The following SLC48A1 variants were observed in gnomAD, a reference collection of about 807,000 sequenced individuals.
SLC48A1 encodes heme transporter HRG1.
SLC48A1 carries 6 observed loss-of-function variants against 14.8 expected under a neutral mutation model. That is an observed-to-expected ratio of 0.41 (90% CI 0.22 to 0.80). SLC48A1 has a LOEUF of 0.80. Among genes scored for constraint, SLC48A1 ranks in the 30% least tolerant of loss-of-function variants. The pLI is 0.34. For missense variants in SLC48A1, 165 were observed against 204.8 expected (o/e 0.81, Z 1.19); for synonymous variants, 89 against 90.0 (o/e 0.99, Z 0.06).
intron 2 of SLC48A1, among the ~76,000 whole-genome samples, chr12:47,764,080 T>C (rs1942454963): frequency 1.3e-5 from 2 of 152,162 alleles, no homozygotes; most frequent in Admixed American, 1.3e-4. Context: ...AGTTTACTGT[T>C]ACAGGAATGT....
chr12:47,765,174 G>A (rs1017642215), intron 2 of SLC48A1, among the ~76,000 whole-genome samples: 2 of 149,786 alleles, frequency 1.3e-5, no homozygotes, highest in Non-Finnish European at 3.0e-5. Context: ...GGGATCCAGA[G>A]AGAGAAACAG....
At chr12:47,755,111 A>G (rs1941975782), upstream of SLC48A1, among the ~76,000 whole-genome samples, 1 of 152,184 alleles carries the variant, frequency 6.6e-6, no homozygotes, top group African/African-American at 2.4e-5. Flanking sequence ...TACTGTTCGT[A>G]GCAAGAGAGA....
At chr12:47,758,109 T>C (rs1481748644), upstream of SLC48A1, 3 of 1,544,750 alleles carry the variant, frequency 1.9e-6, no homozygotes, top group South Asian at 3.6e-5. Context: ...TGGACAGCCA[T>C]GGGACACGAC....
Position 47,773,338 on chromosome 12 carries a change from G to A in SLC48A1, c.34G>A (p.Ala12Thr). 1 of 1,472,892 alleles carries A rather than the reference G, an allele frequency of 6.8e-7. No individual in the cohort carries two copies. Among genetic ancestry groups the A allele is most frequent in the Admixed American group, 2.5e-5 (1 of 40,644 alleles). 91.2% of individuals were successfully genotyped at this position (1,472,892 alleles called of 1,614,324 possible). ...APSRLQLGLR[A>T]AYSGISSVAG... ...GTCCAGGCTGCAGCTCGGCCTCCGC[G>A]CCGCCTACTCCGGCATCAGCTCCGT... Residue 12 changes from alanine (A) to threonine (T), a missense_variant, in exon 1 of 3, where the codon GCC (alanine) becomes ACC (threonine). Coordinates refer to ENST00000442218, the MANE Select transcript of SLC48A1 (RefSeq NM_017842.3).
intron 1 of SLC48A1, among the ~76,000 whole-genome samples, chr12:47,775,184 G>C (rs914173105): frequency 2.0e-5 from 3 of 152,170 alleles, no homozygotes; most frequent in African/African-American, 7.2e-5. Flanking sequence ...TTGCAGTGCT[G>C]CCCACTCCCT....
chr12:47,758,230 C>A, upstream of SLC48A1: 1 of 1,435,256 alleles, frequency 7.0e-7, no homozygotes, highest in Non-Finnish European at 9.1e-7. Context: ...GGGGGAGGAA[C>A]AGGAAGACCT....
chr12:47,772,634 G>T (rs1942650168), upstream of SLC48A1, among the ~76,000 whole-genome samples: 3 of 151,976 alleles, frequency 2.0e-5, no homozygotes, highest in South Asian at 6.2e-4. Context: ...CTATGATGGC[G>T]CCACTGTACT....
chr12:47,760,097 A>G (rs1942331709), intron 1 of SLC48A1: 1 of 453,810 alleles, frequency 2.2e-6, no homozygotes, highest in Non-Finnish European at 2.9e-6. Context: ...TTTTTAATGT[A>G]TACATGTATA....
chr12:47,778,745 A>T, intron 1 of SLC48A1: 1 of 386,488 alleles, frequency 2.6e-6, no homozygotes, highest in Non-Finnish European at 4.6e-6. Context: ...TTAACATAAC[A>T]TTTTTGTGAG....
intron 1 of SLC48A1, among the ~76,000 whole-genome samples, chr12:47,759,411 C>G (rs1459162106): frequency 1.6e-5 from 2 of 129,016 alleles, no homozygotes; most frequent in Non-Finnish European, 3.4e-5. Context: ...CCCCACTGCC[C>G]CCTGCCCCAG....
At chr12:47,758,039 C>G (rs11168230), upstream of SLC48A1, 492,011 of 1,574,236 alleles carry the variant, frequency 0.31, 78,500 homozygotes, top group Middle Eastern at 0.46. Flanking sequence ...TCCTCCACAG[C>G]CAGGCCCACC....
intron 2 of SLC48A1, among the ~76,000 whole-genome samples, chr12:47,764,147 C>CGTGTGTGTGT (rs1565776646): frequency 6.6e-6 from 1 of 151,812 alleles, no homozygotes; most frequent in Non-Finnish European, 1.5e-5. Context: ...AGAGAGAGAG[C>CGTGTGTGTGT]ATGTGTGTGT....
chr12:47,770,995 C>G (rs1354723524), upstream of SLC48A1: 1 of 452,292 alleles, frequency 2.2e-6, no homozygotes, highest in Admixed American at 2.4e-5. Flanking sequence ...CTTGCTCCCT[C>G]CTCCACAGGA....
At chr12:47,767,729 G>A (rs761588029), upstream of SLC48A1, among the ~76,000 whole-genome samples, 1 of 152,198 alleles carries the variant, frequency 6.6e-6, no homozygotes, top group Non-Finnish European at 1.5e-5. Context: ...TGAATGATGA[G>A]GGATCAATCT....
intron 2 of SLC48A1, among the ~76,000 whole-genome samples, chr12:47,764,350 T>G (rs1208536180): frequency 6.6e-6 from 1 of 152,174 alleles, no homozygotes; most frequent in Non-Finnish European, 1.5e-5. Context: ...CTCCCCTCTT[T>G]GCAACTTTCC....
intron 2 of SLC48A1, among the ~76,000 whole-genome samples, chr12:47,764,027 G>A (rs1015816288): frequency 6.6e-6 from 1 of 152,176 alleles, no homozygotes; most frequent in African/African-American, 2.4e-5. Flanking sequence ...GGGCAGGGCT[G>A]GAGAGGTCCC....
At chr12:47,764,860 C>T (rs1348910655) in intron 2 of SLC48A1, among the ~76,000 whole-genome samples, 1 of 151,970 alleles carries the variant, frequency 6.6e-6, no homozygotes, top group Non-Finnish European at 1.5e-5. Context: ...GGGTGGATCA[C>T]GAGGTCAAGA....
chr12:47,758,285 G>T, upstream of SLC48A1: 1 of 1,430,290 alleles, frequency 7.0e-7, no homozygotes, highest in Non-Finnish European at 9.1e-7. Context: ...TCTCCAGCTG[G>T]CTCTTGGAAA....
chr12:47,761,201 A>G (rs1942372321), intron 2 of SLC48A1, among the ~76,000 whole-genome samples: 1 of 151,702 alleles, frequency 6.6e-6, no homozygotes, highest in Non-Finnish European at 1.5e-5. Context: ...CATCTCAAAA[A>G]AAAAAAAAAA....
Sources: gnomAD v4.1 joint callset for allele counts (sites outside exome capture counted in the v4.1 genomes callset) on GRCh38, gnomAD v4.1.1 for gene constraint, MANE v1.5 for transcripts, NCBI Gene and HGNC (gene_info 2026-07-23, HGNC 2026-07-21) for gene names.